The following ADCY5 variants were observed in gnomAD, a reference collection of about 807,000 sequenced individuals.
ADCY5 encodes adenylate cyclase type 5.
Under a neutral mutation model 119.7 loss-of-function variants are expected in ADCY5, and 30 were observed. The ratio of observed to expected loss-of-function variants is 0.25; its 90% confidence interval spans 0.19 to 0.34. ADCY5 has a LOEUF of 0.34. Ranked by LOEUF, ADCY5 falls within the 10% of genes least tolerant of loss-of-function variation. The pLI is 1.00. For synonymous variants in ADCY5, 753 were observed against 762.2 expected (o/e 0.99, Z 0.20); for missense variants, 1,324 against 1,775.2 (o/e 0.75, Z 4.57).
Position 123,286,851 on chromosome 3 carries a change from C to A in ADCY5, c.3533-42G>T. 1 of 1,542,894 alleles carries A rather than the reference C, an allele frequency of 6.5e-7. No individual in the cohort carries two copies. The highest frequency in any genetic ancestry group is 8.7e-7 in the Non-Finnish European group (1 of 1,147,166). On this transcript the variant is annotated intron_variant, in intron 19 of 20. Transcript: ENST00000462833. The surrounding 1 kb of genome is among the most constrained non-coding windows in gnomAD (Gnocchi z 4.2). ...TCAGCCACAGTCATCACATCTCTGG[C>A]TTGACCTTGCCACCATCTGTCTCCC...
chr3:123,320,908 C>T (rs1941187969), intron 8 of ADCY5, 137 bp from the exon 9 acceptor site: 4 of 674,880 alleles, frequency 5.9e-6, no homozygotes, highest in Non-Finnish European at 1.1e-5. Flanking sequence ...TGTCATTCAG[C>T]AGCTCCTTTC....
At chr3:123,337,414 C>A (rs941384895) in intron 3 of ADCY5, among the ~76,000 whole-genome samples, 2 of 152,210 alleles carry the variant, frequency 1.3e-5, no homozygotes, top group African/African-American at 2.4e-5. Context: ...AAAGCACCAC[C>A]AACCAAGTGG....
intron 1 of ADCY5, chr3:123,404,604 C>T (rs1944854105): frequency 6.6e-6 from 1 of 152,274 alleles, no homozygotes; most frequent in South Asian, 2.1e-4. Context: ...AGAATAAACA[C>T]TAGCACAGGC....
intron 8 of ADCY5, among the ~76,000 whole-genome samples, chr3:123,324,274 C>G (rs923140045): frequency 6.6e-6 from 1 of 152,126 alleles, no homozygotes; most frequent in Admixed American, 6.5e-5. Flanking sequence ...GTCTGCTGAC[C>G]CTGCTGGATT....
In ADCY5 at chr3:123,432,665, C is replaced by G. The variant is rs577623021; in HGVS notation, c.1134+14747G>C. On this transcript the variant is annotated intron_variant, in intron 1 of 20. Transcript: ENST00000462833. Reference sequence around the variant, plus strand: ...CTTGCCTCAGCCTCCTAACTGGGACCACAGGTACATGCCACCTTGCCTAGC... The same window carrying G: ...CTTGCCTCAGCCTCCTAACTGGGACGACAGGTACATGCCACCTTGCCTAGC... 3.3e-3 allele frequency among the ~76,000 whole-genome samples: 507 copies of G among 152,168 alleles called. 1 individual carries two copies. Among genetic ancestry groups the G allele is most frequent in the African/African-American group, 0.012 (492 of 41,514 alleles).
intron 12 of ADCY5, among the ~76,000 whole-genome samples, chr3:123,311,061 C>G (rs1940543224): frequency 6.6e-6 from 1 of 152,150 alleles, no homozygotes; most frequent in Non-Finnish European, 1.5e-5. Context: ...ATGGACAGTT[C>G]AAGGAAGTCA....
intron 12 of ADCY5, among the ~76,000 whole-genome samples, 170 bp downstream of exon 12, chr3:123,314,065 C>T (rs933936680): frequency 1.3e-5 from 2 of 152,194 alleles, no homozygotes; most frequent in African/African-American, 2.4e-5. Flanking sequence ...AGACTCCAGG[C>T]GAGCTTGCTG....
At chr3:123,303,298 A>C in intron 13 of ADCY5, 79 bp from the exon 14 acceptor site, 1 of 1,465,696 alleles carries the variant, frequency 6.8e-7, no homozygotes, top group Non-Finnish European at 9.3e-7. Context: ...ACCAGGCCGC[A>C]GGCTCCCGCC....
chr3:123,435,885 T>C (rs934095407), intron 1 of ADCY5, among the ~76,000 whole-genome samples: 1 of 145,284 alleles, frequency 6.9e-6, no homozygotes, highest in African/African-American at 2.5e-5. Flanking sequence ...ATTATTATTA[T>C]TATTATTATT....
At chr3:123,400,684 C>CCGTGCTCAAAGTGCTCAAAGTGCTG (rs1944724226) in intron 1 of ADCY5, among the ~76,000 whole-genome samples, 2 of 152,162 alleles carry the variant, frequency 1.3e-5, no homozygotes, top group African/African-American at 4.8e-5. Context: ...CGGTGGCTCA[C>CCGTGCTCAAAGTGCTCAAAGTGCTG]GCCTGTAATC....
At chr3:123,419,164 A>G (rs1945249333) in intron 1 of ADCY5, 6 of 985,174 alleles carry the variant, frequency 6.1e-6, no homozygotes, top group Non-Finnish European at 6.0e-6. Flanking sequence ...CCGAGAGAGC[A>G]CCGCATCCCC....
chr3:123,440,780 C>G (rs1235126385), intron 1 of ADCY5, among the ~76,000 whole-genome samples: 2 of 152,154 alleles, frequency 1.3e-5, no homozygotes, highest in Admixed American at 1.3e-4. Flanking sequence ...TAACCTCCCC[C>G]TCAAAAGGTG....
At position 123,303,214 on chromosome 3, in the gene ADCY5, C is replaced by T. The variant is rs555905624; in HGVS notation, c.2565G>A (p.Thr855=). Residue 855 remains threonine (T), a synonymous_variant, in exon 14 of 21, where the codon ACG becomes ACA. Transcript: ENST00000462833. ...AGCCCAGCAGGTCCCTGGAGTTGCA[C>T]GTGAACTGGGGGGAGGAAGGAGGGT... ...VFLAAFVNMF[T]CNSRDLLGCL... is the part of the protein sequence containing the mutation. 2.2e-5 allele frequency: 36 copies of T among 1,612,490 alleles called. No homozygotes were observed. The South Asian group carries it at 2.3e-4, about 10-fold the overall frequency.
At chr3:123,416,434 T>C (rs1450670279) in intron 1 of ADCY5, 1 of 1,181,624 alleles carries the variant, frequency 8.5e-7, no homozygotes. Context: ...CCTCCCTGTC[T>C]CTGATTTGAC....
chr3:123,354,854 A>G (rs1942982415), intron 1 of ADCY5, among the ~76,000 whole-genome samples: 2 of 152,250 alleles, frequency 1.3e-5, no homozygotes. Flanking sequence ...TTTAAAAACT[A>G]TATGATCATT....
chr3:123,333,857 T>A (rs896700642), intron 3 of ADCY5, among the ~76,000 whole-genome samples: 2 of 152,072 alleles, frequency 1.3e-5, no homozygotes, highest in South Asian at 2.1e-4. Context: ...AAGCCCTCCA[T>A]CCTGAGGGAG....
intron 1 of ADCY5, among the ~76,000 whole-genome samples, chr3:123,427,390 A>G (rs1945436674): frequency 6.6e-6 from 1 of 152,080 alleles, no homozygotes; most frequent in South Asian, 2.1e-4. Flanking sequence ...ACCCAGTCCC[A>G]CTTACCAGCC....
intron 5 of ADCY5, among the ~76,000 whole-genome samples, chr3:123,329,474 C>T (rs1443172932): frequency 6.6e-6 from 1 of 152,202 alleles, no homozygotes; most frequent in Admixed American, 6.5e-5. Flanking sequence ...TATAACTCCT[C>T]ATGCTGGGCG....
chr3:123,316,723 T>C (rs1378730441), intron 11 of ADCY5, among the ~76,000 whole-genome samples: 1 of 152,182 alleles, frequency 6.6e-6, no homozygotes, highest in Admixed American at 6.5e-5. Context: ...GGGGACAGTT[T>C]GGGAAGTTTC....
Sources: gnomAD v4.1 joint callset for allele counts (sites outside exome capture counted in the v4.1 genomes callset) on GRCh38, gnomAD v4.1.1 for gene constraint, Gnocchi (gnomAD v3.1) non-coding constraint, MANE v1.5 for transcripts, NCBI Gene and HGNC (gene_info 2026-07-23, HGNC 2026-07-21) for gene names.